Variants in AMELY observed in about 807,000 individuals in gnomAD.
AMELY encodes amelogenin Y-linked.
In AMELY, 4 loss-of-function variants were observed where a neutral mutation model predicts 4.2. The ratio of observed to expected loss-of-function variants is 0.96; its 90% CI spans 0.47 to 2.19. The LOEUF (loss-of-function observed/expected upper bound fraction) is 2.19, where lower values mean the gene tolerates loss of function less well. AMELY is among the 30% of genes most tolerant of loss of function. The pLI is 0.02. For missense variants in AMELY, 32 were observed against 41.5 expected, an observed-to-expected ratio of 0.77 and a Z score of 0.63; for synonymous variants, 11 against 14.7, an observed-to-expected ratio of 0.75 and a Z score of 0.57.
intron 5 of AMELY, 29 bp from the exon 6 acceptor site, chrY:6,868,491 C>G: frequency 2.5e-6 from 1 of 393,887 alleles, no homozygotes; most frequent in Non-Finnish European, 3.6e-6. Context: ...GCAGGTTTAC[C>G]ATTGGCTCAC....
chrY:6,883,445 G>A (rs1013591176), intron 1 of AMELY, among the ~76,000 whole-genome samples: 1 of 32,353 alleles, frequency 3.1e-5, no homozygotes, highest in South Asian at 7.4e-4. Context: ...GCCTGTTGGG[G>A]TGGGGAATAG....
chrY:6,892,260 T>C (rs1015574963), intron 1 of AMELY, among the ~76,000 whole-genome samples: 21 of 33,607 alleles, frequency 6.2e-4, no homozygotes, highest in Admixed American at 3.0e-3. Context: ...CGATCCCCTA[T>C]ACACAGCAGA....
At chrY:6,906,739 TC>T (rs2011664384) in intron 1 of AMELY, among the ~76,000 whole-genome samples, 1 of 33,340 alleles carries the variant, frequency 3.0e-5, no homozygotes, top group Non-Finnish European at 7.4e-5. Context: ...CTTCTAAAGT[TC>T]TACTGATGTC....
At chrY:6,889,137 G>A (rs2054081730) in intron 1 of AMELY, among the ~76,000 whole-genome samples, 1 of 31,378 alleles carries the variant, frequency 3.2e-5, no homozygotes, top group Admixed American at 3.0e-4. Context: ...AGGAGGTAGA[G>A]GTTGCAGTGA....
intron 1 of AMELY, among the ~76,000 whole-genome samples, chrY:6,909,930 C>G: frequency 3.0e-5 from 1 of 33,130 alleles, no homozygotes; most frequent in Non-Finnish European, 7.4e-5. Context: ...CACGGCAGGC[C>G]TCAGAGGTGC....
At chrY:6,905,170 C>T in intron 1 of AMELY, among the ~76,000 whole-genome samples, 1 of 33,622 alleles carries the variant, frequency 3.0e-5, no homozygotes, top group South Asian at 6.8e-4. Flanking sequence ...TGGAGTAACA[C>T]ACCCAAATGA....
Position 6,868,106 on chromosome Y carries a change from C to G in AMELY, c.504G>C (p.Leu168=). Reference sequence around the variant, plus strand: ...GATGCAGATCAGGAAGTATGGGGGGCAGGGGCCGCAGGGGGAACATTGGAG... The same window carrying G: ...GATGCAGATCAGGAAGTATGGGGGGGAGGGGCCGCAGGGGGAACATTGGAG... The part of the protein sequence containing the change: ...PLPPMFPLRP[L]PPILPDLHLE... The change falls in exon 6 of 7, where the codon CTG becomes CTC. Residue 168 remains leucine (L), a synonymous_variant. Coordinates refer to ENST00000651267, the MANE Select transcript of AMELY (RefSeq NM_001143.2). 3 of 392,871 alleles carry G rather than the reference C, an allele frequency of 7.6e-6. No homozygotes were observed. In the African/African-American group the frequency reaches 2.0e-4, roughly 26 times the overall value.
At chrY:6,883,052 C>T (rs2054076173) in intron 1 of AMELY, among the ~76,000 whole-genome samples, 1 of 33,258 alleles carries the variant, frequency 3.0e-5, no homozygotes, top group Non-Finnish European at 7.4e-5. Context: ...TCTCAAGGAT[C>T]TAGAACTAGA....
intron 1 of AMELY, among the ~76,000 whole-genome samples, chrY:6,896,031 G>C (rs2054086133): frequency 3.0e-5 from 1 of 33,388 alleles, no homozygotes; most frequent in Non-Finnish European, 7.3e-5. Flanking sequence ...GTGAATGGGA[G>C]TTCACTCATG....
At chrY:6,872,724 G>A in intron 2 of AMELY, 104 bp from the exon 3 acceptor site, 1 of 173,275 alleles carries the variant, frequency 5.8e-6, no homozygotes, top group South Asian at 6.6e-5. Context: ...GTAGCAAGTA[G>A]GATATTCTTT....
chrY:6,868,674 G>T, intron 5 of AMELY, 58 bp downstream of exon 5: 1 of 337,072 alleles, frequency 3.0e-6, no homozygotes, highest in Non-Finnish European at 4.4e-6. Flanking sequence ...TTCTTAAAAT[G>T]GGAATTTAAA....
chrY:6,904,481 G>A, intron 1 of AMELY, among the ~76,000 whole-genome samples: 2 of 33,420 alleles, frequency 6.0e-5, no homozygotes, highest in Admixed American at 5.5e-4. Flanking sequence ...GAAAGGGGCT[G>A]TAGTGCTGCA....
In AMELY at chrY:6,874,683, C is replaced by T. The variant is rs771124557; in HGVS notation, c.-112-612G>A. On this transcript the variant is annotated intron_variant, in intron 1 of 6. Coordinates refer to ENST00000651267, the MANE Select transcript of AMELY (RefSeq NM_001143.2). Reference sequence around the variant, plus strand: ...TTTCTAAGTATGATGGCCTTCTTTGCCCGTGTACTTCTAGCCCATTTCTGC... The same window carrying T: ...TTTCTAAGTATGATGGCCTTCTTTGTCCGTGTACTTCTAGCCCATTTCTGC... 1.3e-3 allele frequency among the ~76,000 whole-genome samples: 45 copies of T among 33,774 alleles called. No individual in the cohort carries two copies. In the South Asian group the frequency reaches 0.029, roughly 22 times the overall value. 90.6% of individuals were successfully genotyped at this position (33,774 alleles called of 37,273 possible). A position where few individuals can be genotyped will look rare whatever the true frequency, so the allele number is the denominator to read the frequency against.
chrY:6,899,339 G>T, intron 1 of AMELY, among the ~76,000 whole-genome samples: 1 of 33,750 alleles, frequency 3.0e-5, no homozygotes. Flanking sequence ...TTGCGATGGC[G>T]GTAGGCATGT....
At chrY:6,889,382 A>C in intron 1 of AMELY, among the ~76,000 whole-genome samples, 3 of 32,837 alleles carry the variant, frequency 9.1e-5, no homozygotes, top group Admixed American at 5.7e-4. Context: ...CAGGGAAAAA[A>C]GGGGAGGAGA....
chrY:6,890,593 G>A, intron 1 of AMELY, among the ~76,000 whole-genome samples: 1 of 33,964 alleles, frequency 2.9e-5, no homozygotes, highest in South Asian at 6.5e-4. Flanking sequence ...ATTTACATAT[G>A]CTCTCCATTT....
chrY:6,904,613 G>A, intron 1 of AMELY, among the ~76,000 whole-genome samples: 2 of 33,503 alleles, frequency 6.0e-5, no homozygotes, highest in Admixed American at 2.7e-4. Flanking sequence ...ATTGCAGGAC[G>A]GGGGAGAGAA....
At chrY:6,867,276 G>C in intron 6 of AMELY, among the ~76,000 whole-genome samples, 1 of 33,269 alleles carries the variant, frequency 3.0e-5, no homozygotes, top group East Asian at 7.8e-4. Flanking sequence ...TCAATAGCTT[G>C]TATAAATTGG....
At position 6,885,671 on chromosome Y, in the gene AMELY, A is replaced by G. The variant is rs2054079656; in HGVS notation, c.-112-11600T>C. ...ATTGGATAAAGAATATGTGATGTAT[A>G]TATACCCATGAAATACTACACAGTC... On this transcript the variant is annotated intron_variant, in intron 1 of 6. Transcript: ENST00000651267. Among the ~76,000 whole-genome samples the G allele has an allele frequency of 1.2e-4, 4 of 34,525 alleles. No individual in the cohort carries two copies. The East Asian group carries it at 3.0e-3, about 26-fold the overall frequency. 92.6% of individuals were successfully genotyped at this position (34,525 alleles called of 37,273 possible).
Sources: gnomAD v4.1 joint callset for allele counts (sites outside exome capture counted in the v4.1 genomes callset) on GRCh38, gnomAD v4.1.1 for gene constraint, MANE v1.5 for transcripts, NCBI Gene and HGNC (gene_info 2026-07-23, HGNC 2026-07-21) for gene names.